Variants in ABR observed in about 807,000 individuals in gnomAD.
ABR encodes ABR activator of RhoGEF and GTPase, also known as active breakpoint cluster region-related protein.
Under a neutral mutation model 107.2 loss-of-function variants are expected in ABR, and 35 were observed. That is an observed-to-expected ratio of 0.33 (90% CI 0.25 to 0.43). ABR has a LOEUF of 0.43. ABR is among the 20% of genes least tolerant of loss of function. The pLI, the probability that ABR is intolerant of heterozygous loss-of-function variation, is 1.00. For synonymous variants in ABR, 498 were observed against 462.0 expected, an observed-to-expected ratio of 1.08 and a Z score of -1.00; for missense variants, 815 against 1,115.2, an observed-to-expected ratio of 0.73 and a Z score of 3.83.
chr17:1,224,377 C>CT (rs1370930510), intron 1 of ABR, among the ~76,000 whole-genome samples: 3 of 152,244 alleles, frequency 2.0e-5, no homozygotes, highest in African/African-American at 7.2e-5. Flanking sequence ...GCTTAGGAAT[C>CT]TGCCCCTCAT....
chr17:1,050,205 C>A lies in ABR; in HGVS notation c.1660-24G>T, dbSNP rs764887112. 1.2e-6 allele frequency: 2 copies of A among 1,600,966 alleles called. No homozygotes were observed. Among genetic ancestry groups the A allele is most frequent in the African/African-American group, 1.3e-5 (1 of 74,472 alleles). Reference sequence around the variant, plus strand: ...TCCTGGGGAAAGATGGGACAAAGGGCCCTGAACCTCCGAAGCTGGGAGGCC... The same window carrying A: ...TCCTGGGGAAAGATGGGACAAAGGGACCTGAACCTCCGAAGCTGGGAGGCC... On this transcript the variant is annotated intron_variant, in intron 15 of 22. Coordinates refer to ENST00000302538, the MANE Select transcript of ABR (RefSeq NM_021962.5). The surrounding 1 kb of genome is among the most constrained non-coding windows in gnomAD (Gnocchi z 4.6).
intron 1 of ABR, among the ~76,000 whole-genome samples, chr17:1,170,883 A>G (rs992364017): frequency 6.6e-6 from 1 of 152,178 alleles, no homozygotes; most frequent in Non-Finnish European, 1.5e-5. Flanking sequence ...ACCCAGACAC[A>G]GTTCCCAAAG....
At chr17:1,176,490 G>A (rs549053929) in intron 1 of ABR, among the ~76,000 whole-genome samples, 2 of 152,328 alleles carry the variant, frequency 1.3e-5, no homozygotes, top group South Asian at 2.1e-4. Flanking sequence ...TGCTAACTGA[G>A]CCTCACTTTC....
At position 1,200,483 on chromosome 17, in the gene ABR, C is replaced by G. The variant is rs1221516464; in HGVS notation, c.838+28310G>C. 1.3e-5 allele frequency among the ~76,000 whole-genome samples: 2 copies of G among 152,100 alleles called. No individual in the cohort carries two copies. The highest frequency in any genetic ancestry group is 2.9e-5 in the Non-Finnish European group (2 of 68,016). The stretch of plus-strand genomic sequence containing the variant: ...GGCGTCCTGGGATTCTGGTATCTGC[C>G]AGGGGTCCTGGGGCCAATCCCCCAT... On this transcript the variant is annotated intron_variant, in intron 1 of 22. Coordinates refer to the ABR transcript ENST00000574139. This position sits in a 1 kb window ranked among gnomAD's most constrained non-coding sequence, Gnocchi z 4.1.
chr17:1,069,657 G>A (rs1397632350), intron 9 of ABR, among the ~76,000 whole-genome samples: 1 of 152,116 alleles, frequency 6.6e-6, no homozygotes, highest in Non-Finnish European at 1.5e-5. Context: ...GGGCAACAGA[G>A]CAAGACCCTG....
chr17:1,211,912 C>T (rs894159525), intron 1 of ABR, among the ~76,000 whole-genome samples: 1 of 151,788 alleles, frequency 6.6e-6, no homozygotes, highest in African/African-American at 2.4e-5. Flanking sequence ...GAAACCCCGT[C>T]TCTACTAAAA....
chr17:1,102,064 G>A (rs938253296), intron 2 of ABR, among the ~76,000 whole-genome samples: 16 of 152,136 alleles, frequency 1.1e-4, no homozygotes, highest in East Asian at 1.9e-4. Flanking sequence ...GTAAAGATTC[G>A]GCCCTAGACT....
intron 16 of ABR, among the ~76,000 whole-genome samples, chr17:1,042,764 G>A (rs1244598637): frequency 6.7e-6 from 1 of 150,020 alleles, no homozygotes; most frequent in African/African-American, 2.4e-5. Flanking sequence ...CGGATGGATG[G>A]ATAAACAGAT....
chr17:1,037,527 G>T lies in ABR; in HGVS notation c.1791+12523C>A, dbSNP rs898876737. Among the ~76,000 whole-genome samples, 23 of 152,234 alleles carry T rather than the reference G, an allele frequency of 1.5e-4. No homozygotes were observed. Among genetic ancestry groups the T allele is most frequent in the Non-Finnish European group, 2.4e-4 (16 of 68,044 alleles). ...AGCACATTTGGTCATGGAAAAGGGT[G>T]AAAAATGCACTTGAGCCTTTGGGAA... On this transcript the variant is annotated intron_variant, in intron 16 of 22. Transcript: ENST00000302538. The surrounding 1 kb of genome is among the most constrained non-coding windows in gnomAD (Gnocchi z 4.6).
intron 16 of ABR, chr17:1,031,909 CTCCCT>C: frequency 9.5e-7 from 1 of 1,054,152 alleles, no homozygotes; most frequent in Non-Finnish European, 1.2e-6. Flanking sequence ...CGCGTCCCTC[CTCCCT>C]CCTCCCTCCT....
upstream of ABR, among the ~76,000 whole-genome samples, chr17:1,191,853 C>T (rs940502103): frequency 3.9e-5 from 6 of 152,172 alleles, no homozygotes; most frequent in African/African-American, 1.4e-4. Flanking sequence ...CACGACCGCT[C>T]CAGGAGCCAC....
At chr17:1,045,978 C>G (rs1266674442) in intron 16 of ABR, among the ~76,000 whole-genome samples, 1 of 152,194 alleles carries the variant, frequency 6.6e-6, no homozygotes, top group East Asian at 1.9e-4. Context: ...TCAAGTGATT[C>G]TCCTCCCTCA....
At chr17:1,069,137 CAG>C (rs2035005388) in intron 9 of ABR, among the ~76,000 whole-genome samples, 1 of 152,104 alleles carries the variant, frequency 6.6e-6, no homozygotes. Flanking sequence ...TGACACGAAA[CAG>C]AAACAGCAGA....
chr17:1,183,783 G>A (rs77885637), upstream of ABR, among the ~76,000 whole-genome samples: 5,172 of 152,206 alleles, frequency 0.034, 135 homozygotes, highest in East Asian at 0.13. Flanking sequence ...GCCCCGGTGC[G>A]TGCAGAGGCT....
upstream of ABR, among the ~76,000 whole-genome samples, chr17:1,184,251 C>T (rs1460356571): frequency 1.3e-5 from 2 of 151,876 alleles, no homozygotes; most frequent in Admixed American, 1.3e-4. Context: ...GTCAGGAGAT[C>T]GAGACGATCC....
chr17:1,056,020 G>A lies in ABR; in HGVS notation c.1561+15C>T. 6.2e-7 allele frequency: 1 copy of A among 1,612,546 alleles called. No individual in the cohort carries two copies. Among genetic ancestry groups the A allele is most frequent in the Non-Finnish European group, 8.5e-7 (1 of 1,178,524 alleles). On this transcript the variant is annotated intron_variant, in intron 14 of 22. Coordinates refer to ENST00000302538, the MANE Select transcript of ABR (RefSeq NM_021962.5). ...ACAATGGCCCACCCAACCTCGTCCT[G>A]GCCAGGGCACTTACTGGCTGATTGC... is the stretch of plus-strand genomic sequence containing the variant.
At chr17:1,018,033 C>T (rs76839695) in intron 16 of ABR, among the ~76,000 whole-genome samples, 5 of 151,846 alleles carry the variant, frequency 3.3e-5, no homozygotes, top group Non-Finnish European at 5.9e-5. Flanking sequence ...TGTGTGGGCC[C>T]TTATTTTTTA....
intron 2 of ABR, among the ~76,000 whole-genome samples, chr17:1,116,129 A>C (rs1216416164): frequency 6.6e-6 from 1 of 151,278 alleles, no homozygotes; most frequent in Non-Finnish European, 1.5e-5. Context: ...CTGAGGCAGG[A>C]GAATCACTTG....
At chr17:1,054,083 T>G (rs1323343107) in intron 14 of ABR, among the ~76,000 whole-genome samples, 5 of 152,126 alleles carry the variant, frequency 3.3e-5, no homozygotes, top group African/African-American at 1.2e-4. Context: ...CCTGCTACTG[T>G]GTGACTCCAG....
Sources: allele counts gnomAD v4.1 joint callset (sites outside exome capture counted in the v4.1 genomes callset), GRCh38; gene constraint gnomAD v4.1.1; non-coding constraint Gnocchi (gnomAD v3.1); transcripts MANE v1.5; gene names NCBI Gene and HGNC (gene_info 2026-07-23, HGNC 2026-07-21).